The following RPGRIP1 variants were observed in gnomAD, a reference collection of about 807,000 sequenced individuals.
The protein encoded by RPGRIP1 is X-linked retinitis pigmentosa GTPase regulator-interacting protein 1.
Under a neutral mutation model 157.9 loss-of-function variants are expected in RPGRIP1, and 128 were observed. That is an observed-to-expected ratio of 0.81 (90% confidence interval 0.70 to 0.94). The LOEUF is 0.94. Among genes scored for constraint, RPGRIP1 ranks in the 40% least tolerant of loss-of-function variants. The pLI, the probability that RPGRIP1 is intolerant of heterozygous loss-of-function variation, is 0.00. For missense variants in RPGRIP1, 1,486 were observed against 1,545.8 expected (o/e 0.96, Z 0.65); for synonymous variants, 554 against 571.6 (o/e 0.97, Z 0.44).
intron 3 of RPGRIP1, among the ~76,000 whole-genome samples, chr14:21,296,837 C>T (rs932154704): frequency 6.6e-6 from 1 of 151,470 alleles, no homozygotes; most frequent in Non-Finnish European, 1.5e-5. Flanking sequence ...CGCCTGAAAT[C>T]CCAGCTACTC....
At position 21,320,115 on chromosome 14, in the gene RPGRIP1, C is replaced by T. The variant is rs1882234960; in HGVS notation, c.1405C>T (p.Pro469Ser). 1 of 1,613,942 alleles carries T rather than the reference C, an allele frequency of 6.2e-7. No homozygotes were observed. The highest frequency in any genetic ancestry group is 8.5e-7 in the Non-Finnish European group (1 of 1,179,862). The change falls in exon 12 of 25, where the codon CCT becomes TCT. Residue 469 changes from proline to serine, a missense_variant. By Grantham distance (74) the Pro-to-Ser change is moderately conservative (BLOSUM62 -1). Transcript: ENST00000400017. ...LQNAATISQP[P>S]DRQSEPATHP... is the part of the protein sequence containing the mutation. ...AAATGCAGCCACAATTTCCCAACCT[C>T]CTGACAGGCAATCTGAACCAGCCAC...
chr14:21,310,669 C>A (rs1427236900), intron 8 of RPGRIP1, 62 bp downstream of exon 8: 3 of 887,928 alleles, frequency 3.4e-6, no homozygotes, highest in Non-Finnish European at 5.3e-6. Context: ...CCAAAGAAAT[C>A]TATGTTCATC....
intron 2 of RPGRIP1, among the ~76,000 whole-genome samples, chr14:21,293,629 A>G (rs1015720929): frequency 2.0e-5 from 3 of 152,178 alleles, no homozygotes; most frequent in African/African-American, 2.4e-5. Flanking sequence ...CTGTAATCCC[A>G]GCACTTTGGG....
At chr14:21,305,692 C>T (rs142327129) in intron 6 of RPGRIP1, among the ~76,000 whole-genome samples, 48 of 152,146 alleles carry the variant, frequency 3.2e-4, no homozygotes, top group African/African-American at 1.1e-3. Flanking sequence ...GAATCCCCAT[C>T]TTTACTGAAA....
rs774956493 is a variant in RPGRIP1, at chr14:21,294,736, A to G, written c.145A>G (p.Ser49Gly). 10 of 1,609,962 alleles carry G rather than the reference A, an allele frequency of 6.2e-6. No individual in the cohort carries two copies. In the South Asian group the frequency reaches 9.9e-5, roughly 16 times the overall value. Reference protein sequence around the residue: ...SRMNREELEDSFFRLREDHML... With the variant: ...SRMNREELEDGFFRLREDHML... ...GATGAACCGGGAGGAATTGGAGGACAGTTTCTTTCGACTTCGCGAAGATCA... is the reference window on the plus strand; with the variant it reads ...GATGAACCGGGAGGAATTGGAGGACGGTTTCTTTCGACTTCGCGAAGATCA... Residue 49 changes from serine (S) to glycine (G), a missense_variant, in exon 3 of 25, where the codon AGT becomes GGT. Physicochemically the swap from Ser to Gly is moderately conservative, Grantham distance 56. Coordinates refer to ENST00000400017, the MANE Select transcript of RPGRIP1 (RefSeq NM_020366.4).
At chr14:21,345,922 C>G (rs972256305) in intron 23 of RPGRIP1, among the ~76,000 whole-genome samples, 1 of 151,908 alleles carries the variant, frequency 6.6e-6, no homozygotes, top group Non-Finnish European at 1.5e-5. Flanking sequence ...TGGGTTCAAG[C>G]GATTCTTCTG....
intron 3 of RPGRIP1, among the ~76,000 whole-genome samples, chr14:21,297,881 T>TCTTTCTTTCTTTCTTTCTTTC (rs763353355): frequency 5.6e-5 from 1 of 17,816 alleles, no homozygotes; most frequent in African/African-American, 1.1e-4. Flanking sequence ...TTCTTTCTTT[T>TCTTTCTTTCTTTCTTTCTTTC]TTTTGAGATA....
chr14:21,316,089 T>C (rs764857670), intron 10 of RPGRIP1, among the ~76,000 whole-genome samples: 3 of 151,578 alleles, frequency 2.0e-5, no homozygotes, highest in Non-Finnish European at 4.4e-5. Flanking sequence ...GCTATTCTTC[T>C]GCCTCAGCCT....
At position 21,335,627 on chromosome 14, in the gene RPGRIP1, G is replaced by A. The variant is rs892273715; in HGVS notation, c.3339+922G>A. On this transcript the variant is annotated intron_variant, in intron 21 of 24. Transcript: ENST00000400017. Reference sequence around the variant, plus strand: ...GGGTGGATCACGAGGTCAGGAGATCGAGACCATCCTGGCTAACACGGTGAA... The same window carrying A: ...GGGTGGATCACGAGGTCAGGAGATCAAGACCATCCTGGCTAACACGGTGAA... 3.9e-4 allele frequency among the ~76,000 whole-genome samples: 59 copies of A among 152,058 alleles called. 1 individual carries two copies. Among genetic ancestry groups the A allele is most frequent in the Admixed American group, 2.1e-3 (32 of 15,262 alleles).
At chr14:21,345,426 G>A (rs191635483) in intron 23 of RPGRIP1, among the ~76,000 whole-genome samples, 238 of 146,942 alleles carry the variant, frequency 1.6e-3, no homozygotes, top group African/African-American at 6.0e-3. Context: ...TTTCGAGACA[G>A]GGTCTCACTC....
intron 10 of RPGRIP1, among the ~76,000 whole-genome samples, chr14:21,316,890 C>A (rs1881841087): frequency 6.6e-6 from 1 of 152,054 alleles, no homozygotes; most frequent in South Asian, 2.1e-4. Context: ...GAGGCCGAGG[C>A]AGGTGGATCA....
chr14:21,306,272 A>G (rs1881301271), intron 6 of RPGRIP1, among the ~76,000 whole-genome samples: 1 of 150,722 alleles, frequency 6.6e-6, no homozygotes, highest in African/African-American at 2.4e-5. Flanking sequence ...AGCTGGGATT[A>G]CAGGCACCCA....
Position 21,284,375 on chromosome 14 carries a change from A to C in RPGRIP1, c.-38-3564A>C, listed in dbSNP as rs899002795. ...AGAGCCAGACAGTGGCATTTATGGAAATAGGGAAAGACTGGGAAACAATCA... is the reference window on the plus strand; with the variant it reads ...AGAGCCAGACAGTGGCATTTATGGACATAGGGAAAGACTGGGAAACAATCA... On this transcript the variant is annotated intron_variant, in intron 1 of 24. Coordinates refer to ENST00000400017, the MANE Select transcript of RPGRIP1 (RefSeq NM_020366.4). Among the ~76,000 whole-genome samples the C allele has an allele frequency of 1.3e-5, 2 of 152,170 alleles. 1 individual carries two copies. Among genetic ancestry groups the C allele is most frequent in the Middle Eastern group, 6.8e-3 (2 of 294 alleles).
chr14:21,328,452 T>C lies in RPGRIP1; in HGVS notation c.2924T>C (p.Ile975Thr), dbSNP rs886050399. 22 of 1,613,220 alleles carry C rather than the reference T, an allele frequency of 1.4e-5. No individual in the cohort carries two copies. The highest frequency in any genetic ancestry group is 4.5e-5 in the East Asian group (2 of 44,868). The change falls in exon 19 of 25, where the codon ATT becomes ACT. Residue 975 changes from isoleucine to threonine, a missense_variant. Coordinates refer to ENST00000400017, the MANE Select transcript of RPGRIP1 (RefSeq NM_020366.4). ...QDQMASPEVP[I>T]EAGQYRSKRK... The stretch of plus-strand genomic sequence containing the variant: ...CAGATGGCATCTCCTGAGGTTCCCA[T>C]TGAAGCTGGCCAGTATCGATCTAAG...
intron 11 of RPGRIP1, among the ~76,000 whole-genome samples, chr14:21,318,471 T>C (rs1198389785): frequency 5.9e-5 from 9 of 151,976 alleles, no homozygotes; most frequent in African/African-American, 2.2e-4. Flanking sequence ...TTTTCTTTTG[T>C]TTGGTTTGGT....
At chr14:21,281,703 T>TAAAAAA (rs371326975) in intron 1 of RPGRIP1, among the ~76,000 whole-genome samples, 1 of 62,246 alleles carries the variant, frequency 1.6e-5, no homozygotes, top group African/African-American at 5.8e-5. Context: ...AAAAAAAAAA[T>TAAAAAA]AAATAATAAT....
At chr14:21,309,852 G>A (rs1435568251) in intron 7 of RPGRIP1, among the ~76,000 whole-genome samples, 1 of 151,962 alleles carries the variant, frequency 6.6e-6, no homozygotes, top group African/African-American at 2.4e-5. Flanking sequence ...AAGTTTGGGA[G>A]GCTGAGGTGG....
chr14:21,284,691 C>T (rs775177147), intron 1 of RPGRIP1, among the ~76,000 whole-genome samples: 6 of 151,760 alleles, frequency 4.0e-5, no homozygotes, highest in African/African-American at 9.7e-5. Flanking sequence ...ATCACTCTGT[C>T]GTGGCACATG....
chr14:21,309,834 T>A lies in RPGRIP1; in HGVS notation c.907-750T>A, dbSNP rs76933704. Among the ~76,000 whole-genome samples the A allele has an allele frequency of 2.5e-3, 373 of 151,116 alleles. 1 individual carries two copies. Among genetic ancestry groups the A allele is most frequent in the South Asian group, 7.3e-3 (35 of 4,778 alleles). On this transcript the variant is annotated intron_variant, in intron 7 of 24. Coordinates refer to ENST00000400017, the MANE Select transcript of RPGRIP1 (RefSeq NM_020366.4). ...TTTTTTAAAAAATAAAAAATAAATTTAAAAAAAAAGTTTGGGAGGCTGAGG... is the reference window on the plus strand; with the variant it reads ...TTTTTTAAAAAATAAAAAATAAATTAAAAAAAAAAGTTTGGGAGGCTGAGG...
Sources: allele counts gnomAD v4.1 joint callset (sites outside exome capture counted in the v4.1 genomes callset), GRCh38; gene constraint gnomAD v4.1.1; transcripts MANE v1.5; gene names NCBI Gene and HGNC (gene_info 2026-07-23, HGNC 2026-07-21).